MAGI1: variants seen among roughly 807,000 people sequenced by gnomAD.
MAGI1 encodes membrane associated guanylate kinase, WW and PDZ domain containing 1, also known as membrane-associated guanylate kinase, WW and PDZ domain-containing protein 1.
Under a neutral mutation model 139.9 loss-of-function variants are expected in MAGI1, and 58 were observed. The ratio of observed to expected loss-of-function variants is 0.41; its 90% confidence interval spans 0.34 to 0.52. The LOEUF is 0.52. Among genes scored for constraint, MAGI1 ranks in the 20% least tolerant of loss-of-function variants. MAGI1 has a pLI of 0.12. For synonymous variants in MAGI1, 812 were observed against 737.9 expected (o/e 1.10, Z -1.63); for missense variants, 1,874 against 1,901.6 (o/e 0.99, Z 0.27).
chr3:65,811,218 G>A (rs543838855), intron 1 of MAGI1, among the ~76,000 whole-genome samples: 5 of 152,182 alleles, frequency 3.3e-5, no homozygotes, highest in African/African-American at 1.2e-4. Context: ...CATTTGAAGA[G>A]CACCTATTGT....
chr3:65,887,422 G>GT (rs2060579221), intron 1 of MAGI1, among the ~76,000 whole-genome samples: 1 of 150,320 alleles, frequency 6.7e-6, no homozygotes, highest in Non-Finnish European at 1.5e-5. Flanking sequence ...GGGCAAGAGG[G>GT]GGAAATAAGA....
intron 1 of MAGI1, chr3:65,688,198 C>T: frequency 2.6e-6 from 2 of 771,952 alleles, no homozygotes; most frequent in Non-Finnish European, 2.3e-6. Context: ...AGAGTACACA[C>T]AGTCATGACC....
At chr3:65,601,151 C>T (rs530999075) in intron 2 of MAGI1, among the ~76,000 whole-genome samples, 6 of 152,342 alleles carry the variant, frequency 3.9e-5, no homozygotes, top group Admixed American at 1.3e-4. Context: ...TAAATGCTTG[C>T]TCTGCATATG....
chr3:66,000,778 G>T (rs1240198890), intron 1 of MAGI1, among the ~76,000 whole-genome samples: 1 of 152,196 alleles, frequency 6.6e-6, no homozygotes, highest in East Asian at 1.9e-4. Context: ...TGCATCACAG[G>T]CTAAACCTTT....
chr3:65,477,649 T>G (rs1950967688), intron 4 of MAGI1, among the ~76,000 whole-genome samples: 1 of 151,964 alleles, frequency 6.6e-6, no homozygotes, highest in Non-Finnish European at 1.5e-5. Flanking sequence ...AAAAATATTC[T>G]TGAGCTCTTC....
At chr3:65,586,969 G>A (rs1417162657) in intron 2 of MAGI1, among the ~76,000 whole-genome samples, 1 of 152,116 alleles carries the variant, frequency 6.6e-6, no homozygotes, top group African/African-American at 2.4e-5. Flanking sequence ...ATTTCCCAAA[G>A]GCTTGCTGCT....
At chr3:65,725,543 G>A (rs978859253) in intron 1 of MAGI1, among the ~76,000 whole-genome samples, 2 of 152,142 alleles carry the variant, frequency 1.3e-5, no homozygotes, top group African/African-American at 2.4e-5. Flanking sequence ...GGTGGCTGGG[G>A]CTCGACAACT....
At chr3:65,787,925 G>A (rs186791966) in intron 1 of MAGI1, among the ~76,000 whole-genome samples, 3 of 152,226 alleles carry the variant, frequency 2.0e-5, no homozygotes, top group Admixed American at 2.0e-4. Flanking sequence ...GAAAGTGACG[G>A]GGTTAAGAAA....
At chr3:65,589,316 G>A (rs1329101713) in intron 2 of MAGI1, among the ~76,000 whole-genome samples, 1 of 152,080 alleles carries the variant, frequency 6.6e-6, no homozygotes, top group Non-Finnish European at 1.5e-5. Context: ...CCACTCCCAG[G>A]CTTATAGATC....
chr3:65,929,679 A>G (rs2062700631), intron 1 of MAGI1, among the ~76,000 whole-genome samples: 1 of 152,070 alleles, frequency 6.6e-6, no homozygotes, highest in South Asian at 2.1e-4. Flanking sequence ...TCCACATAAG[A>G]TACTAGATAA....
chr3:65,477,711 A>ATTATTATTATTTTT (rs376492339), intron 4 of MAGI1, among the ~76,000 whole-genome samples: 2 of 141,612 alleles, frequency 1.4e-5, no homozygotes, highest in African/African-American at 5.2e-5. Context: ...TATTATTATT[A>ATTATTATTATTTTT]TTTTTTTTTT....
rs928647799 is a variant in MAGI1 at position 65,977,588 on chromosome 3, G to A, written c.313+60408C>T. ...GAGCTGGGCATGGTGGCACACACCTGTAGTCCCAGATACTCAGGAGGCTGA... is the reference window on the plus strand; with the variant it reads ...GAGCTGGGCATGGTGGCACACACCTATAGTCCCAGATACTCAGGAGGCTGA... On this transcript the variant is annotated intron_variant, in intron 1 of 22. Transcript: ENST00000402939. 3.3e-5 allele frequency among the ~76,000 whole-genome samples: 5 copies of A among 151,990 alleles called. No homozygotes were observed. The East Asian group carries it at 9.7e-4, about 29-fold the overall frequency.
At chr3:65,806,919 T>A (rs1456821162) in intron 1 of MAGI1, among the ~76,000 whole-genome samples, 1 of 152,208 alleles carries the variant, frequency 6.6e-6, no homozygotes, top group Non-Finnish European at 1.5e-5. Flanking sequence ...TACTGATTTA[T>A]ACTGATGACA....
intron 1 of MAGI1, among the ~76,000 whole-genome samples, chr3:66,016,579 G>A (rs1167935281): frequency 6.6e-6 from 1 of 152,204 alleles, no homozygotes; most frequent in Non-Finnish European, 1.5e-5. Flanking sequence ...ACCGGAGCTG[G>A]AGACTTTGGG....
intron 2 of MAGI1, among the ~76,000 whole-genome samples, chr3:65,571,176 A>G (rs574742908): frequency 4.0e-4 from 61 of 152,322 alleles, no homozygotes; most frequent in African/African-American, 1.4e-3. Context: ...TTAGGGATTA[A>G]CGGCTTGGAA....
At chr3:65,967,382 A>G (rs567337872) in intron 1 of MAGI1, among the ~76,000 whole-genome samples, 5 of 152,274 alleles carry the variant, frequency 3.3e-5, no homozygotes. Context: ...TCTCCTCCTC[A>G]AAGATGGAAG....
At chr3:65,555,900 T>C (rs529250058) in intron 2 of MAGI1, among the ~76,000 whole-genome samples, 20 of 152,230 alleles carry the variant, frequency 1.3e-4, no homozygotes, top group African/African-American at 4.1e-4. Flanking sequence ...ATACAGAGCC[T>C]GATGGAAACT....
intron 2 of MAGI1, chr3:65,549,420 G>A: frequency 1.0e-6 from 1 of 984,892 alleles, no homozygotes; most frequent in Non-Finnish European, 1.2e-6. Context: ...GCGGGCCCCG[G>A]AGCGGCCCCG....
At chr3:65,926,097 T>A (rs1191132126) in intron 1 of MAGI1, among the ~76,000 whole-genome samples, 1 of 152,174 alleles carries the variant, frequency 6.6e-6, no homozygotes, top group Non-Finnish European at 1.5e-5. Flanking sequence ...ACACAACTAG[T>A]AAAAGAAAAA....
Sources: gnomAD v4.1 joint callset for allele counts (sites outside exome capture counted in the v4.1 genomes callset) on GRCh38, gnomAD v4.1.1 for gene constraint, MANE v1.5 for transcripts, NCBI Gene and HGNC (gene_info 2026-07-23, HGNC 2026-07-21) for gene names.